Variants in PDE1C observed in about 807,000 individuals in gnomAD.
PDE1C encodes dual specificity calcium/calmodulin-dependent 3',5'-cyclic nucleotide phosphodiesterase 1C.
Under a neutral mutation model 93.1 loss-of-function variants are expected in PDE1C, and 62 were observed. The observed-to-expected ratio is 0.67, with a 90% confidence interval of 0.54 to 0.82. The LOEUF (loss-of-function observed/expected upper bound fraction) is 0.82, where lower values mean the gene tolerates loss of function less well. Among genes scored for constraint, PDE1C ranks in the 40% least tolerant of loss-of-function variants. PDE1C has a pLI of 0.00. For missense variants in PDE1C, 742 were observed against 884.6 expected (o/e 0.84, Z 2.04); for synonymous variants, 325 against 310.1 (o/e 1.05, Z -0.50).
In PDE1C at chr7:32,001,246, T is replaced by C. The variant is rs139965081; in HGVS notation, c.128+50308A>G. 2.1e-3 allele frequency among the ~76,000 whole-genome samples: 318 copies of C among 152,338 alleles called. 1 individual carries two copies. The highest frequency in any genetic ancestry group is 6.8e-3 in the African/African-American group (283 of 41,584). On this transcript the variant is annotated intron_variant, in intron 2 of 17. Transcript: ENST00000396191. ...ACCAACTTTTCACTTACTGCACTTTTGTATGCCTTAAGTTTTTACTATGCA... is the reference window on the plus strand; with the variant it reads ...ACCAACTTTTCACTTACTGCACTTTCGTATGCCTTAAGTTTTTACTATGCA...
downstream of PDE1C, among the ~76,000 whole-genome samples, chr7:31,750,197 A>G (rs1345730051): frequency 6.6e-6 from 1 of 152,168 alleles, no homozygotes; most frequent in Non-Finnish European, 1.5e-5. Flanking sequence ...AACAGAGTGA[A>G]GGGCAGTGGT....
chr7:31,880,996 C>T (rs1797180143), intron 2 of PDE1C, 136 bp from the exon 3 acceptor site: 1 of 633,564 alleles, frequency 1.6e-6, no homozygotes. Context: ...AATTATGGGA[C>T]CAAAGGAGCA....
In PDE1C at chr7:31,823,142, T is replaced by C. The variant is rs61745829; in HGVS notation, c.1513A>G (p.Ser505Gly). 19,372 of 1,613,388 alleles carry C rather than the reference T, an allele frequency of 0.012. 155 individuals are homozygous for C. Among genetic ancestry groups the C allele is most frequent in the Non-Finnish European group, 0.014 (16,940 of 1,179,544 alleles). The change falls in exon 14 of 18, where the codon AGC (serine) becomes GGC (glycine). Residue 505 changes from serine to glycine, a missense_variant. Physicochemically the swap from Ser to Gly is moderately conservative, Grantham distance 56. Coordinates refer to ENST00000396191, the MANE Select transcript of PDE1C (RefSeq NM_001191057.4). ...ACTTCCGTCCAAGTAGCTTTAAAGC[T>C]CTTATAGTCAACGGAGATGACAGAA... is the stretch of plus-strand genomic sequence containing the variant. ...NNSVISVDYK[S>G]FKATWTEVVH...
At chr7:32,410,150 A>C (rs73309825) in intron 1 of PDE1C, among the ~76,000 whole-genome samples, 4,849 of 152,312 alleles carry the variant, frequency 0.032, 264 homozygotes, top group African/African-American at 0.11. Flanking sequence ...ACAGCAGTAC[A>C]AAATCAATAT....
intron 16 of PDE1C, chr7:31,786,888 TTATATTATCTATCTATCTATCTATC>T (rs1472386070): frequency 3.5e-5 from 5 of 144,122 alleles, no homozygotes; most frequent in Admixed American, 1.4e-4. Context: ...AGAAAATATA[TTATATTATCTATCTATCTATCTATC>T]TATCTATCTA....
At chr7:32,292,829 G>A (rs1304776789) in intron 1 of PDE1C, among the ~76,000 whole-genome samples, 1 of 152,192 alleles carries the variant, frequency 6.6e-6, no homozygotes, top group Admixed American at 6.5e-5. Flanking sequence ...ACTTCCCCAT[G>A]GCCCCAGGTG....
At chr7:31,908,543 G>A (rs1020872292) in intron 2 of PDE1C, among the ~76,000 whole-genome samples, 2 of 152,142 alleles carry the variant, frequency 1.3e-5, no homozygotes, top group African/African-American at 4.8e-5. Context: ...ATATAAAGAT[G>A]GAAAGTCAAG....
chr7:31,755,367 G>A (rs578159572), intron 17 of PDE1C, among the ~76,000 whole-genome samples: 12 of 152,290 alleles, frequency 7.9e-5, no homozygotes, highest in African/African-American at 2.2e-4. Context: ...CTGAAGGGGA[G>A]GGGGTCTAGG....
chr7:31,945,888 T>C (rs1038961178), intron 2 of PDE1C, among the ~76,000 whole-genome samples: 7 of 152,172 alleles, frequency 4.6e-5, no homozygotes, highest in African/African-American at 1.7e-4. Context: ...TCCTTTGCAT[T>C]TCAGTTTGAG....
chr7:32,395,783 A>G (rs919577233), intron 1 of PDE1C, among the ~76,000 whole-genome samples: 1 of 152,192 alleles, frequency 6.6e-6, no homozygotes, highest in Non-Finnish European at 1.5e-5. Context: ...GAGATATAAT[A>G]AAATTTGTTA....
chr7:32,064,987 TAGG>T (rs1305743673), intron 1 of PDE1C, among the ~76,000 whole-genome samples: 1 of 141,522 alleles, frequency 7.1e-6, no homozygotes, highest in Non-Finnish European at 1.5e-5. Flanking sequence ...AATTGATTAG[TAGG>T]AGAAGGTAAT....
intron 2 of PDE1C, among the ~76,000 whole-genome samples, chr7:32,009,989 T>A (rs903086282): frequency 3.9e-5 from 6 of 152,188 alleles, no homozygotes; most frequent in Non-Finnish European, 5.9e-5. Context: ...AAGACCTGTA[T>A]AATGAAAACT....
At chr7:32,333,951 G>GA (rs1371160662) in intron 1 of PDE1C, among the ~76,000 whole-genome samples, 1 of 152,132 alleles carries the variant, frequency 6.6e-6, no homozygotes, top group Non-Finnish European at 1.5e-5. Context: ...AAATATCCCA[G>GA]ACCCTGTCAT....
intron 14 of PDE1C, among the ~76,000 whole-genome samples, chr7:31,822,779 T>C (rs559307224): frequency 6.6e-6 from 1 of 152,210 alleles, no homozygotes; most frequent in East Asian, 1.9e-4. Context: ...AACGACAAGA[T>C]GTTTAGCAGA....
chr7:32,006,529 G>A (rs1341977775), intron 2 of PDE1C, among the ~76,000 whole-genome samples: 1 of 152,192 alleles, frequency 6.6e-6, no homozygotes, highest in Non-Finnish European at 1.5e-5. Context: ...CAGAGGCCCT[G>A]TGTCCAAGGA....
chr7:32,401,398 G>C (rs995466217), intron 1 of PDE1C, among the ~76,000 whole-genome samples: 1 of 152,022 alleles, frequency 6.6e-6, no homozygotes, highest in African/African-American at 2.4e-5. Flanking sequence ...TTAGCTAGGC[G>C]TGGTGGCACG....
intron 2 of PDE1C, among the ~76,000 whole-genome samples, chr7:32,026,455 G>A (rs1789448507): frequency 6.6e-6 from 1 of 152,050 alleles, no homozygotes; most frequent in Admixed American, 6.6e-5. Context: ...CCACTGATTT[G>A]GCCATATTAA....
At chr7:31,931,665 A>G (rs563013781) in intron 2 of PDE1C, among the ~76,000 whole-genome samples, 88 of 152,340 alleles carry the variant, frequency 5.8e-4, no homozygotes, top group African/African-American at 1.8e-3. Context: ...CATACTGCCC[A>G]AAGTAATTTA....
At chr7:31,642,876 G>A in the PDE1C span, 2 of 1,614,028 alleles carry the variant, frequency 1.2e-6, no homozygotes, top group Non-Finnish European at 1.7e-6. Flanking sequence ...TATCTGTGAT[G>A]GAGGAAGAGT....
Sources: gnomAD v4.1 joint callset for allele counts (sites outside exome capture counted in the v4.1 genomes callset) on GRCh38, gnomAD v4.1.1 for gene constraint, MANE v1.5 for transcripts, NCBI Gene and HGNC (gene_info 2026-07-23, HGNC 2026-07-21) for gene names.